PTPRD: variants seen among roughly 807,000 people sequenced by gnomAD.
PTPRD encodes receptor-type tyrosine-protein phosphatase delta.
Under a neutral mutation model 214.5 loss-of-function variants are expected in PTPRD, and 34 were observed. The observed-to-expected ratio is 0.16, with a 90% CI of 0.12 to 0.21. PTPRD has a LOEUF of 0.21. Among genes scored for constraint, PTPRD ranks in the 10% least tolerant of loss-of-function variants. The probability of loss-of-function intolerance (pLI) is 1.00; values close to 1 mark genes in which losing one functional copy is unlikely to be tolerated. For synonymous variants in PTPRD, 1,128 were observed against 845.7 expected, an observed-to-expected ratio of 1.33 and a Z score of -5.79; for missense variants, 2,545 against 2,398.7, an observed-to-expected ratio of 1.06 and a Z score of -1.27.
At chr9:9,379,958 T>C (rs896434849) in intron 9 of PTPRD, among the ~76,000 whole-genome samples, 1 of 152,082 alleles carries the variant, frequency 6.6e-6, no homozygotes, top group Non-Finnish European at 1.5e-5. Context: ...TAGAAAATCA[T>C]CTTATTTGCA....
At chr9:8,973,040 G>A (rs1252967827) in intron 11 of PTPRD, among the ~76,000 whole-genome samples, 1 of 151,304 alleles carries the variant, frequency 6.6e-6, no homozygotes, top group Non-Finnish European at 1.5e-5. Flanking sequence ...ATAGCTGAAA[G>A]ATATTATTGA....
At chr9:8,821,999 T>C (rs1466022124) in intron 11 of PTPRD, among the ~76,000 whole-genome samples, 1 of 152,166 alleles carries the variant, frequency 6.6e-6, no homozygotes, top group Non-Finnish European at 1.5e-5. Context: ...AGTCTTTAAA[T>C]ATTCTGTGAT....
At chr9:10,290,369 AG>A (rs1305926345) in intron 3 of PTPRD, among the ~76,000 whole-genome samples, 9 of 152,236 alleles carry the variant, frequency 5.9e-5, no homozygotes, top group African/African-American at 1.9e-4. Context: ...GATCTAAAGG[AG>A]GCATTGATGC....
chr9:10,304,897 G>T (rs1449797226), intron 3 of PTPRD, among the ~76,000 whole-genome samples: 2 of 151,952 alleles, frequency 1.3e-5, no homozygotes, highest in Non-Finnish European at 1.5e-5. Flanking sequence ...CACAGAATTG[G>T]AAAAAAACTA....
chr9:9,738,439 CTT>C lies in PTPRD; in HGVS notation c.-325-3870_-325-3869del, dbSNP rs71319292. On this transcript the variant is annotated intron_variant, in intron 6 of 45. Transcript: ENST00000381196. The stretch of plus-strand genomic sequence containing the variant: ...TGTATTAAAATTCTTCACTCACTCA[CTT>C]TTTTTTTTTTTTTTTTTTTTGAGAT... 4.3e-3 allele frequency among the ~76,000 whole-genome samples: 330 copies of C among 76,486 alleles called. 7 individuals are homozygous for C. The highest frequency in any genetic ancestry group is 0.037 in the Admixed American group (211 of 5,636). The allele number at this position is 76,486 out of a possible 152,430, so 50.2% of individuals were successfully genotyped here.
intron 2 of PTPRD, among the ~76,000 whole-genome samples, chr9:10,388,012 A>G (rs180687970): frequency 8.4e-4 from 127 of 151,544 alleles, no homozygotes; most frequent in African/African-American, 2.7e-3. Context: ...AATTCTCTAG[A>G]GTACACTGGG....
Position 9,727,103 on chromosome 9 carries a change from C to T in PTPRD, c.-287+7430G>A, listed in dbSNP as rs767992214. 1.8e-4 allele frequency among the ~76,000 whole-genome samples: 28 copies of T among 152,188 alleles called. No individual in the cohort carries two copies. The South Asian group carries it at 2.3e-3, about 12-fold the overall frequency. On this transcript the variant is annotated intron_variant, in intron 7 of 45. Transcript: ENST00000381196. ...AATGTGTGCTTAATTAACCACAAAACGTTCTTTCAATGTATTAGCAATATG... is the reference window on the plus strand; with the variant it reads ...AATGTGTGCTTAATTAACCACAAAATGTTCTTTCAATGTATTAGCAATATG...
chr9:10,508,563 T>C (rs911127273), intron 2 of PTPRD, among the ~76,000 whole-genome samples: 1 of 152,098 alleles, frequency 6.6e-6, no homozygotes, highest in Non-Finnish European at 1.5e-5. Context: ...CCATCAATAA[T>C]AGAATGGATT....
chr9:8,491,442 G>A (rs1207261668), intron 27 of PTPRD, among the ~76,000 whole-genome samples: 1 of 152,080 alleles, frequency 6.6e-6, no homozygotes, highest in African/African-American at 2.4e-5. Flanking sequence ...GGCAACAGGG[G>A]AGTGGTGCTT....
Position 8,925,970 on chromosome 9 carries a change from A to G in PTPRD, c.-104+92727T>C, listed in dbSNP as rs577645980. Among the ~76,000 whole-genome samples the G allele has an allele frequency of 2.7e-5, 4 of 148,820 alleles. No homozygotes were observed. In the East Asian group the frequency reaches 5.9e-4, roughly 22 times the overall value. On this transcript the variant is annotated intron_variant, in intron 11 of 45. Coordinates refer to ENST00000381196, the MANE Select transcript of PTPRD (RefSeq NM_002839.4). The stretch of plus-strand genomic sequence containing the variant: ...TTCTCTTGTTTACAATCCTTCATCA[A>G]TTCTCTCCTTTTCAAACCAGAACCC...
intron 4 of PTPRD, among the ~76,000 whole-genome samples, chr9:10,016,811 T>C (rs758856105): frequency 2.0e-5 from 3 of 152,034 alleles, no homozygotes; most frequent in Non-Finnish European, 4.4e-5. Flanking sequence ...ACTACATGCA[T>C]GCACCATCAT....
At chr9:8,398,749 T>A (rs2091791985) in intron 36 of PTPRD, among the ~76,000 whole-genome samples, 1 of 152,128 alleles carries the variant, frequency 6.6e-6, no homozygotes, top group Admixed American at 6.6e-5. Flanking sequence ...CAGAGCACCA[T>A]CTTGGAAGTG....
chr9:9,374,664 C>T (rs17606608), intron 9 of PTPRD, among the ~76,000 whole-genome samples: 19,081 of 152,124 alleles, frequency 0.13, 1,535 homozygotes, highest in Non-Finnish European at 0.18. Context: ...TACGTTGTAA[C>T]AAATGGACAA....
At chr9:9,187,603 CCT>C (rs375062105) in intron 9 of PTPRD, among the ~76,000 whole-genome samples, 7 of 149,892 alleles carry the variant, frequency 4.7e-5, no homozygotes, top group Admixed American at 2.7e-4. Flanking sequence ...CCTCTCTTTC[CCT>C]CTCTCTCTCT....
chr9:8,739,738 C>T (rs1193209770), intron 11 of PTPRD, among the ~76,000 whole-genome samples: 1 of 152,176 alleles, frequency 6.6e-6, no homozygotes, highest in Non-Finnish European at 1.5e-5. Context: ...TGTCCCCACC[C>T]AAATCTCATC....
intron 11 of PTPRD, among the ~76,000 whole-genome samples, chr9:8,929,754 TATGTATATATATGTGTATATATATGG>T (rs1387729983): frequency 0.019 from 1,023 of 52,938 alleles, 29 homozygotes; most frequent in East Asian, 0.073. Context: ...TGTATATATA[TATGTATATATATGTGTATATATATGG>T]GTGTGTATAT....
intron 11 of PTPRD, among the ~76,000 whole-genome samples, chr9:8,971,241 A>G (rs917508261): frequency 4.6e-5 from 7 of 151,850 alleles, no homozygotes; most frequent in African/African-American, 1.7e-4. Context: ...TTAACTTAGA[A>G]TTTATGTCTT....
At chr9:9,269,492 C>T (rs924971732) in intron 9 of PTPRD, among the ~76,000 whole-genome samples, 3 of 151,426 alleles carry the variant, frequency 2.0e-5, no homozygotes, top group African/African-American at 7.3e-5. Flanking sequence ...ATCCAGCAAT[C>T]CCACTTCTGG....
chr9:8,436,901 A>G (rs2095373113), intron 34 of PTPRD, among the ~76,000 whole-genome samples: 1 of 152,218 alleles, frequency 6.6e-6, no homozygotes, highest in South Asian at 2.1e-4. Context: ...AAAGTCACCA[A>G]GCATAATCTC....
Sources: allele counts gnomAD v4.1 joint callset (sites outside exome capture counted in the v4.1 genomes callset), GRCh38; gene constraint gnomAD v4.1.1; transcripts MANE v1.5; gene names NCBI Gene and HGNC (gene_info 2026-07-23, HGNC 2026-07-21).